ADGRL4: variants seen among roughly 807,000 people sequenced by gnomAD.
ADGRL4 encodes EGF, latrophilin and seven transmembrane domain containing 1.
In ADGRL4, 90 loss-of-function variants were observed where a neutral mutation model predicts 74.8. The ratio of observed to expected loss-of-function variants is 1.20; its 90% CI spans 1.02 to 1.43. The LOEUF is 1.43. ADGRL4 is among the 40% of genes most tolerant of loss of function. The pLI, the probability that ADGRL4 is intolerant of heterozygous loss-of-function variation, is 0.00. For synonymous variants in ADGRL4, 311 were observed against 279.2 expected (o/e 1.11, Z -1.14); for missense variants, 881 against 814.3 (o/e 1.08, Z -1.00).
At chr1:78,945,245 G>T (rs1339230959) in intron 3 of ADGRL4, among the ~76,000 whole-genome samples, 1 of 149,080 alleles carries the variant, frequency 6.7e-6, no homozygotes, top group Non-Finnish European at 1.5e-5. Flanking sequence ...AGATTAACTT[G>T]AATATCTATC....
chr1:78,940,608 A>T (rs955549350), intron 3 of ADGRL4, among the ~76,000 whole-genome samples: 1 of 152,066 alleles, frequency 6.6e-6, no homozygotes, highest in African/African-American at 2.4e-5. Context: ...TTAATGCAAA[A>T]ATTTTTATGT....
intron 2 of ADGRL4, among the ~76,000 whole-genome samples, chr1:78,985,582 T>C (rs1650476652): frequency 6.6e-6 from 1 of 151,850 alleles, no homozygotes; most frequent in South Asian, 2.1e-4. Flanking sequence ...AACTATTGCA[T>C]AATCTCTCAT....
At chr1:78,984,597 C>T (rs1443474444) in intron 2 of ADGRL4, among the ~76,000 whole-genome samples, 1 of 151,460 alleles carries the variant, frequency 6.6e-6, no homozygotes, top group African/African-American at 2.4e-5. Flanking sequence ...AATAGTGTGT[C>T]GAAACAAGTT....
At chr1:78,998,130 C>A (rs985580429) in intron 2 of ADGRL4, among the ~76,000 whole-genome samples, 7 of 152,110 alleles carry the variant, frequency 4.6e-5, no homozygotes, top group African/African-American at 1.7e-4. Context: ...CAGGGGAAAG[C>A]CAGACTCTTT....
intron 2 of ADGRL4, among the ~76,000 whole-genome samples, chr1:78,954,838 A>G (rs1402870450): frequency 6.6e-6 from 1 of 152,154 alleles, no homozygotes; most frequent in Non-Finnish European, 1.5e-5. Context: ...CAAACGTGCA[A>G]TAATAGCTAA....
intron 2 of ADGRL4, among the ~76,000 whole-genome samples, chr1:78,986,474 G>T (rs1650499682): frequency 6.6e-6 from 1 of 151,610 alleles, no homozygotes; most frequent in Non-Finnish European, 1.5e-5. Context: ...AAAATTAACT[G>T]GGTGTGTTGG....
At chr1:78,961,065 AT>A (rs889805732) in intron 2 of ADGRL4, among the ~76,000 whole-genome samples, 1 of 151,872 alleles carries the variant, frequency 6.6e-6, no homozygotes, top group African/African-American at 2.4e-5. Context: ...TGTGTGCTCT[AT>A]TTTTTATGAC....
At chr1:78,999,125 A>C (rs1343537068) in intron 2 of ADGRL4, among the ~76,000 whole-genome samples, 1 of 152,228 alleles carries the variant, frequency 6.6e-6, no homozygotes, top group African/African-American at 2.4e-5. Context: ...AATAACCAGG[A>C]GTTTACTAAG....
At chr1:78,998,468 C>T (rs1650767925) in intron 2 of ADGRL4, among the ~76,000 whole-genome samples, 1 of 146,976 alleles carries the variant, frequency 6.8e-6, no homozygotes, top group Admixed American at 7.0e-5. Context: ...CTCCTGGGCT[C>T]AAGCGATTCT....
At chr1:78,991,296 A>G (rs1185518861) in intron 2 of ADGRL4, among the ~76,000 whole-genome samples, 1 of 152,064 alleles carries the variant, frequency 6.6e-6, no homozygotes, top group Non-Finnish European at 1.5e-5. Context: ...TAATTATTGT[A>G]TAGATAACTT....
At chr1:78,913,791 TAAAAC>T (rs1388815109) in intron 12 of ADGRL4, among the ~76,000 whole-genome samples, 11 of 151,758 alleles carry the variant, frequency 7.2e-5, no homozygotes, top group South Asian at 4.1e-4. Context: ...TTAAATAAAA[TAAAAC>T]AAAACAAAGT....
chr1:78,988,230 A>G (rs1313191770), intron 2 of ADGRL4, among the ~76,000 whole-genome samples: 2 of 151,776 alleles, frequency 1.3e-5, no homozygotes, highest in African/African-American at 4.8e-5. Flanking sequence ...CTTTTTGACA[A>G]TTAATTTGAA....
intron 10 of ADGRL4, 107 bp downstream of exon 10, chr1:78,920,066 TTATAGAGAAC>T: frequency 1.3e-6 from 1 of 742,508 alleles, no homozygotes; most frequent in Non-Finnish European, 2.1e-6. Context: ...GAAGAACAAA[TTATAGAGAAC>T]GTCTGCCCCA....
At chr1:78,972,764 AGACC>A (rs1192132889) in intron 2 of ADGRL4, among the ~76,000 whole-genome samples, 1 of 152,218 alleles carries the variant, frequency 6.6e-6, no homozygotes, top group Non-Finnish European at 1.5e-5. Context: ...TCAAATTGTA[AGACC>A]TTTCACATAA....
At chr1:78,933,854 C>G (rs1451000484) in intron 7 of ADGRL4, among the ~76,000 whole-genome samples, 1 of 151,906 alleles carries the variant, frequency 6.6e-6, no homozygotes, top group African/African-American at 2.4e-5. Context: ...AACAAAATAC[C>G]TAGGAATACA....
At position 78,891,551 on chromosome 1, in the gene ADGRL4, A is replaced by G. The variant is rs895005606; in HGVS notation, c.1983T>C (p.Phe661=). 3 of 1,613,466 alleles carry G rather than the reference A, an allele frequency of 1.9e-6. No individual in the cohort carries two copies. Among genetic ancestry groups the G allele is most frequent in the Middle Eastern group, 3.3e-4 (2 of 6,058 alleles). Residue 661 remains phenylalanine (F), a synonymous_variant, in exon 14 of 15, where the codon TTT becomes TTC. Transcript: ENST00000370742. ...VSNAFQGMFI[F]LFLCVLSRKI... The stretch of plus-strand genomic sequence containing the variant: ...TTCTAGATAAAACACACAGGAATAA[A>G]AAAATGAACATCCCCTGGAAAGCAT...
chr1:78,960,547 A>C (rs543860437), intron 2 of ADGRL4, among the ~76,000 whole-genome samples: 1 of 152,278 alleles, frequency 6.6e-6, no homozygotes, highest in East Asian at 1.9e-4. Flanking sequence ...TGGAGTTACG[A>C]GGAAATTGGA....
intron 2 of ADGRL4, among the ~76,000 whole-genome samples, chr1:78,992,555 A>G (rs1468362121): frequency 6.6e-6 from 1 of 152,070 alleles, no homozygotes; most frequent in African/African-American, 2.4e-5. Flanking sequence ...CAGCCATGAA[A>G]ACTTTTTTTT....
chr1:78,898,091 G>C (rs1648434439), intron 12 of ADGRL4, among the ~76,000 whole-genome samples: 1 of 151,784 alleles, frequency 6.6e-6, no homozygotes. Context: ...TTGAAATGAG[G>C]TTAAAAAAAA....
Sources: gnomAD v4.1 joint callset for allele counts (sites outside exome capture counted in the v4.1 genomes callset) on GRCh38, gnomAD v4.1.1 for gene constraint, MANE v1.5 for transcripts, NCBI Gene and HGNC (gene_info 2026-07-23, HGNC 2026-07-21) for gene names.